Variants in MND1 observed in about 807,000 individuals in gnomAD.
MND1 encodes the protein meiotic nuclear division protein 1 homolog.
MND1 carries 28 observed loss-of-function variants against 35.1 expected under a neutral mutation model. That is an observed-to-expected ratio of 0.80 (90% CI 0.59 to 1.09). MND1 has a LOEUF of 1.09. MND1 is among the 50% of genes least tolerant of loss of function. The pLI, the probability that MND1 is intolerant of heterozygous loss-of-function variation, is 0.00. For missense variants in MND1, 213 were observed against 239.6 expected (o/e 0.89, Z 0.73); for synonymous variants, 69 against 70.5 (o/e 0.98, Z 0.11).
chr4:153,374,218 G>C lies in MND1; in HGVS notation c.276+15596G>C, dbSNP rs150397029. Among the ~76,000 whole-genome samples the C allele has an allele frequency of 4.8e-3, 733 of 152,202 alleles. 20 individuals are homozygous for C. The highest frequency in any genetic ancestry group is 1.5e-3 in the Non-Finnish European group (102 of 67,994). On this transcript the variant is annotated intron_variant, in intron 4 of 7. Transcript: ENST00000240488. ...GATCAGCTAAATCAGTATTGACTCA[G>C]GAATAAATACCGTAAGCTTTTTCAT...
Position 153,397,302 on chromosome 4 carries a change from A to T in MND1, c.435A>T (p.Lys145Asn), listed in dbSNP as rs1729223463. 6.2e-7 allele frequency: 1 copy of T among 1,612,610 alleles called. No individual in the cohort carries two copies. The highest frequency in any genetic ancestry group is 1.3e-5 in the African/African-American group (1 of 75,038). Reference protein sequence around the residue: ...EQLKAEVEKYKDCDPQVVEEI... With the variant: ...EQLKAEVEKYNDCDPQVVEEI... ...TAAAGGCAGAAGTAGAAAAATACAA[A>T]GACTGTGATCCGCAAGTTGTGGAAG... Residue 145 changes from lysine to asparagine, a missense_variant, in exon 6 of 8, where the codon AAA (lysine) becomes AAT (asparagine). Transcript: ENST00000240488.
intron 4 of MND1, among the ~76,000 whole-genome samples, chr4:153,365,977 G>T (rs1312646640): frequency 6.7e-6 from 1 of 149,372 alleles, no homozygotes; most frequent in East Asian, 1.9e-4. Context: ...TATTCTCACA[G>T]CTCTGGAGGC....
At chr4:153,399,897 T>TGA (rs1729300025) in intron 6 of MND1, among the ~76,000 whole-genome samples, 1 of 95,864 alleles carries the variant, frequency 1.0e-5, no homozygotes, top group Non-Finnish European at 2.3e-5. Flanking sequence ...GAGATTTTTT[T>TGA]TTTTTTTTTT....
intron 1 of MND1, among the ~76,000 whole-genome samples, chr4:153,347,104 T>C (rs1233564620): frequency 2.6e-5 from 4 of 152,230 alleles, no homozygotes; most frequent in Non-Finnish European, 5.9e-5. Context: ...GGCATCGGTA[T>C]TTTTTAAAAA....
intron 4 of MND1, among the ~76,000 whole-genome samples, chr4:153,372,530 A>G (rs949305090): frequency 1.7e-4 from 26 of 152,194 alleles, no homozygotes; most frequent in African/African-American, 5.8e-4. Context: ...CGAAACTATC[A>G]CCACAATCAA....
chr4:153,368,068 G>C (rs930906237), intron 4 of MND1, among the ~76,000 whole-genome samples: 6 of 152,068 alleles, frequency 3.9e-5, no homozygotes, highest in Non-Finnish European at 7.4e-5. Flanking sequence ...GAAACAACGT[G>C]CATATTCATC....
Position 153,403,287 on chromosome 4 carries a change from C to G in MND1, c.467-5684C>G, listed in dbSNP as rs1729393101. Among the ~76,000 whole-genome samples the G allele has an allele frequency of 3.3e-5, 5 of 152,216 alleles. No individual in the cohort carries two copies. The South Asian group carries it at 1.0e-3, about 32-fold the overall frequency. On this transcript the variant is annotated intron_variant, in intron 6 of 7. Coordinates refer to ENST00000240488, the MANE Select transcript of MND1 (RefSeq NM_032117.4). The stretch of plus-strand genomic sequence containing the variant: ...CCCACATCTAGCTGACCTTGATACT[C>G]TGTGCAAGCAAGAAGCAAAGACTAA...
At chr4:153,363,178 T>G (rs1481864647) in intron 4 of MND1, among the ~76,000 whole-genome samples, 1 of 151,678 alleles carries the variant, frequency 6.6e-6, no homozygotes, top group African/African-American at 2.4e-5. Context: ...CTGTTGTTGC[T>G]CTTTGTTTTT....
At chr4:153,346,759 A>G (rs979652339) in intron 1 of MND1, among the ~76,000 whole-genome samples, 1 of 152,206 alleles carries the variant, frequency 6.6e-6, no homozygotes, top group African/African-American at 2.4e-5. Flanking sequence ...CCAGGACGCT[A>G]GATTCTCCTC....
rs1469132172 is a variant in MND1 at position 153,414,853 on chromosome 4, A to T, written c.614A>T (p.Asp205Val). 1.5e-6 allele frequency: 2 copies of T among 1,351,796 alleles called. No individual in the cohort carries two copies. The allele number at this position is 1,351,796 out of a possible 1,614,324, so 83.7% of individuals were successfully genotyped here. A position where few individuals can be genotyped will look rare whatever the true frequency, so the allele number is the denominator to read the frequency against. ...ATTCCAGAAGACTTTGACTACATAG[A>T]CTAAAATATTCCATGGTGGTGAAGG... is the stretch of plus-strand genomic sequence containing the variant. ...FGIPEDFDYI[D>V] The change falls in exon 8 of 8, where the codon GAC becomes GTC. Residue 205 changes from aspartate (D) to valine (V), a missense_variant. Physicochemically the swap from Asp to Val is radical, Grantham distance 152. Coordinates refer to ENST00000240488, the MANE Select transcript of MND1 (RefSeq NM_032117.4).
chr4:153,371,206 C>T (rs934268044), intron 4 of MND1, among the ~76,000 whole-genome samples: 1 of 152,054 alleles, frequency 6.6e-6, no homozygotes, highest in African/African-American at 2.4e-5. Context: ...TTATAGGGCA[C>T]AGGCAGAGTA....
intron 6 of MND1, among the ~76,000 whole-genome samples, chr4:153,402,126 C>T (rs1253749158): frequency 6.6e-6 from 1 of 152,132 alleles, no homozygotes; most frequent in Non-Finnish European, 1.5e-5. Flanking sequence ...TGCACTCCAT[C>T]CTGGGTGACA....
chr4:153,390,030 CTTT>C (rs33959069), intron 4 of MND1, among the ~76,000 whole-genome samples: 5 of 143,664 alleles, frequency 3.5e-5, no homozygotes, highest in Non-Finnish European at 3.1e-5. Context: ...AGCCCTTTGG[CTTT>C]TTTTTTTTTT....
intron 4 of MND1, among the ~76,000 whole-genome samples, chr4:153,387,656 C>T (rs1402139635): frequency 6.6e-6 from 1 of 152,060 alleles, no homozygotes; most frequent in East Asian, 1.9e-4. Flanking sequence ...GTCGTAGCTA[C>T]TCAGGAGGCT....
intron 1 of MND1, among the ~76,000 whole-genome samples, chr4:153,347,445 C>T (rs1018474642): frequency 6.6e-6 from 1 of 152,114 alleles, no homozygotes; most frequent in African/African-American, 2.4e-5. Context: ...GGCTTAGGAG[C>T]CTGAGCAGCC....
At chr4:153,346,997 T>C (rs965295016) in intron 1 of MND1, among the ~76,000 whole-genome samples, 2 of 152,108 alleles carry the variant, frequency 1.3e-5, no homozygotes, top group Non-Finnish European at 2.9e-5. Flanking sequence ...AAAAAATATG[T>C]TGGAGAGGAT....
At chr4:153,355,862 A>G (rs1181227190) in intron 3 of MND1, 151 bp downstream of exon 3, 9 of 596,218 alleles carry the variant, frequency 1.5e-5, no homozygotes, top group Non-Finnish European at 2.4e-5. Flanking sequence ...ATCACCATCC[A>G]AAGATAACCA....
intron 3 of MND1, among the ~76,000 whole-genome samples, chr4:153,357,204 A>G (rs1338830290): frequency 6.6e-6 from 1 of 152,194 alleles, no homozygotes; most frequent in Admixed American, 6.5e-5. Flanking sequence ...TTATGAGTAT[A>G]CATACAAGTG....
At position 153,375,689 on chromosome 4, in the gene MND1, A is replaced by G. The variant is rs142711971; in HGVS notation, c.276+17067A>G. On this transcript the variant is annotated intron_variant, in intron 4 of 7. Transcript: ENST00000240488. ...GAAATTTTCCTGTCAGAATGTTTTT[A>G]TATTCTTTTGCTTACCTAATTGCTT... Among the ~76,000 whole-genome samples the G allele has an allele frequency of 6.8e-3, 1,028 of 152,202 alleles. 4 individuals carry two copies. The highest frequency in any genetic ancestry group is 0.024 in the African/African-American group (988 of 41,564).
Sources: gnomAD v4.1 joint callset for allele counts (sites outside exome capture counted in the v4.1 genomes callset) on GRCh38, gnomAD v4.1.1 for gene constraint, MANE v1.5 for transcripts, NCBI Gene and HGNC (gene_info 2026-07-23, HGNC 2026-07-21) for gene names.